APBB1: variants seen among roughly 807,000 people sequenced by gnomAD.
The protein encoded by APBB1 is amyloid beta precursor protein binding family B member 1.
APBB1 carries 22 observed loss-of-function variants against 78.4 expected under a neutral mutation model. That is an observed-to-expected ratio of 0.28 (90% CI 0.20 to 0.40). The LOEUF (loss-of-function observed/expected upper bound fraction) is 0.40. Ranked by LOEUF, APBB1 falls within the 10% of genes least tolerant of loss-of-function variation. The pLI is 1.00. For synonymous variants in APBB1, 369 were observed against 372.7 expected (o/e 0.99, Z 0.12); for missense variants, 749 against 932.4 (o/e 0.80, Z 2.56).
rs1252780530 is a variant in APBB1, at chr11:6,403,606, C to T, written c.897+41G>A. ...ATCCTACTCCAGCAGCACACACTCC[C>T]TCCACCCCTGGCCCAAAATCAACAG... On this transcript the variant is annotated intron_variant, in intron 3 of 14. Coordinates refer to ENST00000609360, the MANE Select transcript of APBB1 (RefSeq NM_001164.5). This position sits in a 1 kb window ranked among gnomAD's most constrained non-coding sequence, Gnocchi z 5.3. The T allele has an allele frequency of 6.2e-7, 1 of 1,613,420 alleles. No homozygotes were observed. Among genetic ancestry groups the T allele is most frequent in the African/African-American group, 1.3e-5 (1 of 74,932 alleles).
chr11:6,402,596 T>G lies in APBB1; in HGVS notation c.1234A>C (p.Met412Leu). ...CTTACTTCCCCCCAGCCCCCAGACA[T>G]GGGGTCATGCAGGTTGTTTTTGTGG... ...SYHKNNLHDP[M>L]SGGWGEGKDL... The change falls in exon 7 of 15, where the codon ATG (methionine) becomes CTG (leucine). Residue 412 changes from methionine (M) to leucine (L), a missense_variant. Transcript: ENST00000609360. 6.2e-7 allele frequency: 1 copy of G among 1,613,506 alleles called. No individual in the cohort carries two copies. The highest frequency in any genetic ancestry group is 8.5e-7 in the Non-Finnish European group (1 of 1,179,708).
intron 12 of APBB1, among the ~76,000 whole-genome samples, chr11:6,400,667 G>A (rs1160951077): frequency 2.0e-5 from 3 of 151,028 alleles, no homozygotes; most frequent in African/African-American, 7.4e-5. Context: ...ACAGGCTGCT[G>A]TCTGGTGTCC....
rs1848615613 is a variant in APBB1, at chr11:6,403,051, G to A, written c.1104+94C>T. ...AAGAACTCCTAACTCAGGACCTGGG[G>A]AACTGCGCTGAGACCCCTCAGAGCA... On this transcript the variant is annotated intron_variant, in intron 6 of 14. Transcript: ENST00000609360. The surrounding 1 kb of genome is among the most constrained non-coding windows in gnomAD (Gnocchi z 5.3). 1 of 1,220,602 alleles carries A rather than the reference G, an allele frequency of 8.2e-7. No homozygotes were observed. Among genetic ancestry groups the A allele is most frequent in the African/African-American group, 1.5e-5 (1 of 65,712 alleles). The allele number at this position is 1,220,602 out of a possible 1,614,324, so 75.6% of individuals were successfully genotyped here. A position where few individuals can be genotyped will look rare whatever the true frequency, so the allele number is the denominator to read the frequency against.
At chr11:6,396,391 G>A (rs1029908937) in intron 12 of APBB1, 176 bp from the exon 13 acceptor site, 2 of 580,640 alleles carry the variant, frequency 3.4e-6, no homozygotes, top group Non-Finnish European at 6.0e-6. Context: ...TCCTCCCCTG[G>A]CTTCAGTAAC....
At position 6,396,118 on chromosome 11, in the gene APBB1, G is replaced by A; in HGVS notation, c.1770C>T (p.Leu590=). The change falls in exon 13 of 15, where the codon CTC becomes CTT. Residue 590 remains leucine, a synonymous_variant. Coordinates refer to ENST00000609360, the MANE Select transcript of APBB1 (RefSeq NM_001164.5). ...PSHVSVAPAT[L]TILHQQTEAV... is the part of the protein sequence containing the mutation. The stretch of plus-strand genomic sequence containing the variant: ...TCTTTACCTGCTGGTGCAAGATGGT[G>A]AGGGTAGCAGGGGCCACACTGACAT... The A allele has an allele frequency of 1.9e-6, 3 of 1,558,982 alleles. No individual in the cohort carries two copies. The highest frequency in any genetic ancestry group is 2.6e-6 in the Non-Finnish European group (3 of 1,151,648).
At chr11:6,402,283 G>A in intron 7 of APBB1, 74 bp from the exon 8 acceptor site, 1 of 1,577,586 alleles carries the variant, frequency 6.3e-7, no homozygotes, top group Non-Finnish European at 8.6e-7. Context: ...CTGCAGCTCA[G>A]GGGATGTTAG....
chr11:6,417,569 A>C (rs956861314), intron 1 of APBB1, among the ~76,000 whole-genome samples: 5 of 152,240 alleles, frequency 3.3e-5, no homozygotes, highest in Admixed American at 6.5e-5. Flanking sequence ...AGCATTTTTC[A>C]AAGGATTACT....
In APBB1 at chr11:6,410,889, C is replaced by G. The variant is rs146847312; in HGVS notation, c.459G>C (p.Ala153=). The G allele has an allele frequency of 6.2e-7, 1 of 1,614,014 alleles. No homozygotes were observed. The highest frequency in any genetic ancestry group is 1.7e-5 in the Admixed American group (1 of 60,012). Residue 153 remains alanine (A), a synonymous_variant, in exon 2 of 15, where the codon GCG becomes GCC. Transcript: ENST00000609360. The stretch of plus-strand genomic sequence containing the variant: ...CCTCCTCCTCCTCGGCCTCCCCGGC[C>G]GCCTTCTCCTCTCCCTCATCTGGCC... ...EQGPDEGEEK[A]AGEAEEEEED... is the part of the protein sequence containing the mutation.
chr11:6,408,891 A>G (rs1369265883), intron 2 of APBB1, among the ~76,000 whole-genome samples: 1 of 152,230 alleles, frequency 6.6e-6, no homozygotes, highest in East Asian at 1.9e-4. Context: ...CACCCACCTT[A>G]GCCTTTCAAA....
Position 6,395,680 on chromosome 11 carries a change from C to G in APBB1, c.1987G>C (p.Asp663His). 1 of 1,589,060 alleles carries G rather than the reference C, an allele frequency of 6.3e-7. No individual in the cohort carries two copies. Among genetic ancestry groups the G allele is most frequent in the Non-Finnish European group, 8.6e-7 (1 of 1,167,050 alleles). The change falls in exon 15 of 15, where the codon GAT (aspartate) becomes CAT (histidine). Residue 663 changes from aspartate to histidine, a missense_variant. Asp to His is a moderately conservative substitution (Grantham distance 81). Coordinates refer to ENST00000609360, the MANE Select transcript of APBB1 (RefSeq NM_001164.5). The surrounding 1 kb of genome is among the most constrained non-coding windows in gnomAD (Gnocchi z 5.2). ...GAGGTGGAGGCCTGGGAACGGGCAT[C>G]CAGACACTTCTGGTAGCGAAGCTGC... ...ACMLRYQKCL[D>H]ARSQASTSCL... is the part of the protein sequence containing the mutation.
chr11:6,399,504 C>A (rs558582744), intron 12 of APBB1, among the ~76,000 whole-genome samples: 18 of 152,332 alleles, frequency 1.2e-4, no homozygotes, highest in African/African-American at 4.3e-4. Flanking sequence ...GGCCTGTTGA[C>A]TATACCCGTC....
rs144100830 is a variant in APBB1, at chr11:6,396,131, G to A, written c.1757C>T (p.Ala586Val). ...EQWTPSHVSV[A>V]PATLTILHQQ... ...GTGCAAGATGGTGAGGGTAGCAGGGGCCACACTGACATGACTTGGGGTCCA... is the reference window on the plus strand; with the variant it reads ...GTGCAAGATGGTGAGGGTAGCAGGGACCACACTGACATGACTTGGGGTCCA... Residue 586 changes from alanine (A) to valine (V), a missense_variant, in exon 13 of 15, where the codon GCC becomes GTC. This residue lies in a region of APBB1 where 635 missense variants were observed against 765.0 expected (regional missense o/e 0.83). Coordinates refer to ENST00000609360, the MANE Select transcript of APBB1 (RefSeq NM_001164.5). The A allele has an allele frequency of 6.4e-7, 1 of 1,556,226 alleles. No homozygotes were observed. The highest frequency in any genetic ancestry group is 1.4e-5 in the African/African-American group (1 of 73,124).
chr11:6,396,345 G>T, intron 12 of APBB1, 130 bp from the exon 13 acceptor site: 1 of 725,606 alleles, frequency 1.4e-6, no homozygotes, highest in Non-Finnish European at 2.2e-6. Flanking sequence ...CCTACATTTT[G>T]GACAACGCTG....
In APBB1 at chr11:6,411,976, A is replaced by C. The variant is rs530505052; in HGVS notation, c.-14-615T>G. ...TCACAGAGGGAGGGCGCTCGGCTGCAATTCATGGCTTCTCTGGCCAGATGA... is the reference window on the plus strand; with the variant it reads ...TCACAGAGGGAGGGCGCTCGGCTGCCATTCATGGCTTCTCTGGCCAGATGA... On this transcript the variant is annotated intron_variant, in intron 1 of 14. Transcript: ENST00000609360. The surrounding 1 kb of genome is among the most constrained non-coding windows in gnomAD (Gnocchi z 5.2). Among the ~76,000 whole-genome samples the C allele has an allele frequency of 7.9e-5, 12 of 152,324 alleles. No individual in the cohort carries two copies. The highest frequency in any genetic ancestry group is 2.9e-4 in the African/African-American group (12 of 41,562).
Position 6,395,611 on chromosome 11 carries a change from C to G in APBB1, c.2056G>C (p.Gly686Arg), listed in dbSNP as rs757664764. The part of the protein sequence containing the change: ...PPAESVARRV[G>R]WTVRRGVQSL... ...TGAACACCCCTGCGGACAGTCCACC[C>G]TACACGCCGTGCCACAGACTCAGCA... Residue 686 changes from glycine (G) to arginine (R), a missense_variant, in exon 15 of 15, where the codon GGG (glycine) becomes CGG (arginine). Gly to Arg is a moderately radical substitution (Grantham distance 125). Transcript: ENST00000609360. The surrounding 1 kb of genome is among the most constrained non-coding windows in gnomAD (Gnocchi z 5.2). 6.3e-7 allele frequency: 1 copy of G among 1,598,462 alleles called. No individual in the cohort carries two copies. Among genetic ancestry groups the G allele is most frequent in the African/African-American group, 1.3e-5 (1 of 74,532 alleles).
In APBB1 at chr11:6,401,391, A is replaced by G; in HGVS notation, c.1542T>C (p.Asn514=). The G allele has an allele frequency of 1.2e-6, 2 of 1,614,066 alleles. No homozygotes were observed. The highest frequency in any genetic ancestry group is 1.7e-5 in the Admixed American group (1 of 60,010). Residue 514 remains asparagine (N), a synonymous_variant, in exon 11 of 15, where the codon AAT becomes AAC. Coordinates refer to ENST00000609360, the MANE Select transcript of APBB1 (RefSeq NM_001164.5). The surrounding 1 kb of genome is among the most constrained non-coding windows in gnomAD (Gnocchi z 4.5). The part of the protein sequence containing the change: ...AERRNARCLV[N]GLSLDHSKLV... ...GTTTAGAGTGGTCCAGGGAGAGTCC[A>G]TTTACCAAGCAGCGGGCATTACGCC...
intron 12 of APBB1, among the ~76,000 whole-genome samples, chr11:6,399,992 G>C (rs1341524058): frequency 2.7e-5 from 4 of 149,950 alleles, no homozygotes; most frequent in Non-Finnish European, 4.4e-5. Flanking sequence ...TACAACCTCA[G>C]ACTAGATGAA....
Position 6,401,153 on chromosome 11 carries a change from C to T in APBB1, c.1589-81G>A, listed in dbSNP as rs1254993383. Reference sequence around the variant, plus strand: ...CCACCAGCAGGGCATAAGCTGGACACTTGCCCAGCCGAGGCCCTACTTTCA... The same window carrying T: ...CCACCAGCAGGGCATAAGCTGGACATTTGCCCAGCCGAGGCCCTACTTTCA... On this transcript the variant is annotated intron_variant, in intron 11 of 14. Transcript: ENST00000609360. The surrounding 1 kb of genome is among the most constrained non-coding windows in gnomAD (Gnocchi z 4.5). 9 of 1,613,720 alleles carry T rather than the reference C, an allele frequency of 5.6e-6. No individual in the cohort carries two copies. The highest frequency in any genetic ancestry group is 7.6e-6 in the Non-Finnish European group (9 of 1,179,804).
At position 6,411,273 on chromosome 11, in the gene APBB1, G is replaced by T; in HGVS notation, c.75C>A (p.Pro25=). Residue 25 remains proline, a synonymous_variant, in exon 2 of 15, where the codon CCC becomes CCA. Coordinates refer to ENST00000609360, the MANE Select transcript of APBB1 (RefSeq NM_001164.5). This position sits in a 1 kb window ranked among gnomAD's most constrained non-coding sequence, Gnocchi z 5.2. ...NSHGGPALSL[P]LPLHAAHNQL... The stretch of plus-strand genomic sequence containing the variant: ...GGTTGTGGGCAGCGTGCAGAGGCAG[G>T]GGTAGGCTCAGTGCGGGGCCTCCGT... 6.2e-7 allele frequency: 1 copy of T among 1,600,468 alleles called. No individual in the cohort carries two copies.
Sources: gnomAD v4.1 joint callset for allele counts (sites outside exome capture counted in the v4.1 genomes callset) on GRCh38, gnomAD v4.1.1 for gene constraint, gnomAD v4.1.1 regional missense constraint, Gnocchi (gnomAD v3.1) non-coding constraint, MANE v1.5 for transcripts, NCBI Gene and HGNC (gene_info 2026-07-23, HGNC 2026-07-21) for gene names.